Variants in PARD3B observed in about 807,000 individuals in gnomAD.
The protein encoded by PARD3B is par-3 family cell polarity regulator beta, also known as partitioning defective 3 homolog B.
Under a neutral mutation model 130.2 loss-of-function variants are expected in PARD3B, and 103 were observed. The ratio of observed to expected loss-of-function variants is 0.79; its 90% CI spans 0.67 to 0.93. The LOEUF is 0.93. PARD3B is among the 40% of genes least tolerant of loss of function. PARD3B has a pLI of 0.00. For missense variants in PARD3B, 1,609 were observed against 1,499.2 expected (o/e 1.07, Z -1.21); for synonymous variants, 583 against 553.2 (o/e 1.05, Z -0.76).
At chr2:204,926,390 A>C (rs551336334) in intron 2 of PARD3B, among the ~76,000 whole-genome samples, 3 of 152,236 alleles carry the variant, frequency 2.0e-5, no homozygotes, top group Non-Finnish European at 4.4e-5. Flanking sequence ...TTTTCAAGCA[A>C]CTTCTTTTCT....
chr2:204,723,805 C>T (rs1429968308), intron 2 of PARD3B, among the ~76,000 whole-genome samples: 2 of 152,018 alleles, frequency 1.3e-5, no homozygotes, highest in Non-Finnish European at 2.9e-5. Flanking sequence ...TGAAAATTGA[C>T]CAAGTAAGAT....
At position 205,176,684 on chromosome 2, in the gene PARD3B, G is replaced by C; in HGVS notation, c.1924+107G>C. ...AGTAAAGGGGAGTTAATTAGACTAA[G>C]TGCAGACTTTGTTACTCGGAGTCAC... is the stretch of plus-strand genomic sequence containing the variant. On this transcript the variant is annotated intron_variant, in intron 13 of 22. Coordinates refer to ENST00000406610, the MANE Select transcript of PARD3B (RefSeq NM_001302769.2). This position sits in a 1 kb window ranked among gnomAD's most constrained non-coding sequence, Gnocchi z 5.3. 1 of 1,235,940 alleles carries C rather than the reference G, an allele frequency of 8.1e-7. No homozygotes were observed. Among genetic ancestry groups the C allele is most frequent in the Non-Finnish European group, 1.1e-6 (1 of 919,656 alleles). 76.6% of individuals were successfully genotyped at this position (1,235,940 alleles called of 1,614,324 possible).
intron 15 of PARD3B, among the ~76,000 whole-genome samples, chr2:205,233,375 G>A (rs1559568533): frequency 6.6e-6 from 1 of 152,056 alleles, no homozygotes; most frequent in Non-Finnish European, 1.5e-5. Context: ...AGGCTTTCTG[G>A]TAGAAGAAAA....
chr2:205,037,308 AATATATATAGTGGACTATTTGTATAAAAT>A (rs1559376722), intron 3 of PARD3B, among the ~76,000 whole-genome samples: 12 of 77,714 alleles, frequency 1.5e-4, no homozygotes, highest in Admixed American at 7.1e-4. Flanking sequence ...ATTTGTATAA[AATATATATAGTGGACTATTTGTATAAAAT>A]ATATATAGTG....
chr2:204,845,721 G>A (rs567303638), intron 2 of PARD3B, among the ~76,000 whole-genome samples: 20 of 152,098 alleles, frequency 1.3e-4, no homozygotes, highest in African/African-American at 4.6e-4. Flanking sequence ...TCTGATTTCC[G>A]TTGATTTTAT....
At chr2:204,561,785 C>T (rs1311152649) in intron 1 of PARD3B, among the ~76,000 whole-genome samples, 3 of 151,860 alleles carry the variant, frequency 2.0e-5, no homozygotes, top group Non-Finnish European at 2.9e-5. Context: ...TTAGTAGAGA[C>T]GGGGTGTTGC....
At chr2:205,103,538 A>G (rs1702977978) in intron 4 of PARD3B, 1 of 173,882 alleles carries the variant, frequency 5.8e-6, no homozygotes, top group African/African-American at 2.4e-5. Context: ...AGATGCATAA[A>G]TGCTGTTTAT....
chr2:205,099,946 T>A (rs1263578545), intron 4 of PARD3B, among the ~76,000 whole-genome samples: 1 of 152,188 alleles, frequency 6.6e-6, no homozygotes, highest in Admixed American at 6.6e-5. Flanking sequence ...AAGTCTGTAG[T>A]CATTGACATG....
At chr2:205,192,615 G>A (rs1574341352) in intron 14 of PARD3B, among the ~76,000 whole-genome samples, 2 of 152,310 alleles carry the variant, frequency 1.3e-5, no homozygotes, top group South Asian at 4.1e-4. Context: ...GATGTATCTT[G>A]TGTCTTAATT....
At chr2:205,343,800 C>T (rs1318725176) in intron 18 of PARD3B, among the ~76,000 whole-genome samples, 1 of 151,636 alleles carries the variant, frequency 6.6e-6, no homozygotes, top group Non-Finnish European at 1.5e-5. Context: ...CCCACAATAT[C>T]TTCTCTTTCT....
intron 5 of PARD3B, among the ~76,000 whole-genome samples, chr2:205,111,727 T>A (rs890500847): frequency 3.3e-5 from 5 of 152,076 alleles, no homozygotes; most frequent in Non-Finnish European, 7.4e-5. Flanking sequence ...TTGATACATT[T>A]AATAGGAAAG....
At chr2:205,001,032 C>T (rs1358835217) in intron 3 of PARD3B, among the ~76,000 whole-genome samples, 1 of 151,920 alleles carries the variant, frequency 6.6e-6, no homozygotes, top group African/African-American at 2.4e-5. Flanking sequence ...TCTTTTTGCC[C>T]AGGCTGAATG....
intron 20 of PARD3B, among the ~76,000 whole-genome samples, chr2:205,459,840 G>T (rs1269012683): frequency 1.3e-5 from 2 of 152,164 alleles, no homozygotes; most frequent in South Asian, 2.1e-4. Flanking sequence ...CTAATCTGGT[G>T]GTGGTCAACT....
At chr2:204,626,286 A>G (rs551261084) in intron 1 of PARD3B, among the ~76,000 whole-genome samples, 4 of 152,256 alleles carry the variant, frequency 2.6e-5, no homozygotes, top group African/African-American at 9.6e-5. Context: ...TTTCCCCTCA[A>G]AGTATGGCAG....
chr2:205,228,178 T>C (rs2038658961), intron 15 of PARD3B, among the ~76,000 whole-genome samples: 1 of 152,204 alleles, frequency 6.6e-6, no homozygotes, highest in Non-Finnish European at 1.5e-5. Flanking sequence ...TTTTTCTATG[T>C]ACTTAACATT....
chr2:204,629,504 A>T (rs1191137427), intron 1 of PARD3B, among the ~76,000 whole-genome samples: 1 of 152,166 alleles, frequency 6.6e-6, no homozygotes, highest in Non-Finnish European at 1.5e-5. Flanking sequence ...CCATTTCTTC[A>T]GAATTATCTA....
rs55720496 is a variant in PARD3B at position 205,075,683 on chromosome 2, CAAAAA to C, written c.504+28005_504+28009del. Reference sequence around the variant, plus strand: ...TTTATAAGAATTTTTGCCATTCTAACAAAAAAAAAAAAAAAAGAATTTTTGATAGA... The same window carrying C: ...TTTATAAGAATTTTTGCCATTCTAACAAAAAAAAAAAGAATTTTTGATAGA... On this transcript the variant is annotated intron_variant, in intron 4 of 22. Coordinates refer to ENST00000406610, the MANE Select transcript of PARD3B (RefSeq NM_001302769.2). Among the ~76,000 whole-genome samples, 311 of 139,662 alleles carry C rather than the reference CAAAAA, an allele frequency of 2.2e-3. 2 individuals are homozygous for C. Among genetic ancestry groups the C allele is most frequent in the Non-Finnish European group, 3.6e-3 (228 of 63,774 alleles). The allele number at this position is 139,662 out of a possible 152,430, so 91.6% of individuals were successfully genotyped here. A position where few individuals can be genotyped will look rare whatever the true frequency, so the allele number is the denominator to read the frequency against.
intron 2 of PARD3B, among the ~76,000 whole-genome samples, chr2:204,844,258 C>T (rs552833659): frequency 6.6e-6 from 1 of 151,998 alleles, no homozygotes; most frequent in Non-Finnish European, 1.5e-5. Context: ...CCTAAATTAT[C>T]ATTCATTGAT....
rs569559866 is a variant in PARD3B at position 205,460,856 on chromosome 2, C to T, written c.3044+20184C>T. 4.2e-4 allele frequency among the ~76,000 whole-genome samples: 64 copies of T among 152,032 alleles called. No individual in the cohort carries two copies. Among genetic ancestry groups the T allele is most frequent in the African/African-American group, 1.2e-3 (48 of 41,438 alleles). On this transcript the variant is annotated intron_variant, in intron 20 of 22. Coordinates refer to ENST00000406610, the MANE Select transcript of PARD3B (RefSeq NM_001302769.2). The surrounding 1 kb of genome is among the most constrained non-coding windows in gnomAD (Gnocchi z 4.9). ...TGGTTGAAGTGCCCTTTATTTGACCCGTCAAATAGAGGATCTGGAGAATAA... is the reference window on the plus strand; with the variant it reads ...TGGTTGAAGTGCCCTTTATTTGACCTGTCAAATAGAGGATCTGGAGAATAA...
Sources: allele counts gnomAD v4.1 joint callset (sites outside exome capture counted in the v4.1 genomes callset), GRCh38; gene constraint gnomAD v4.1.1; non-coding constraint Gnocchi (gnomAD v3.1); transcripts MANE v1.5; gene names NCBI Gene and HGNC (gene_info 2026-07-23, HGNC 2026-07-21).